SLC36A3: variants seen among roughly 807,000 people sequenced by gnomAD.
The protein encoded by SLC36A3 is proton-coupled amino acid transporter 3.
In SLC36A3, 35 loss-of-function variants were observed where a neutral mutation model predicts 44.3. The ratio of observed to expected loss-of-function variants is 0.79; its 90% CI spans 0.60 to 1.05. The LOEUF (loss-of-function observed/expected upper bound fraction) is 1.05, where lower values mean the gene tolerates loss of function less well. Ranked by LOEUF, SLC36A3 falls within the 50% of genes least tolerant of loss-of-function variation. SLC36A3 has a pLI of 0.00. For synonymous variants in SLC36A3, 211 were observed against 227.6 expected, an observed-to-expected ratio of 0.93 and a Z score of 0.66; for missense variants, 540 against 578.7, an observed-to-expected ratio of 0.93 and a Z score of 0.69.
chr5:151,295,433 C>T (rs1467917181), intron 3 of SLC36A3, among the ~76,000 whole-genome samples: 2 of 152,150 alleles, frequency 1.3e-5, no homozygotes, highest in African/African-American at 4.8e-5. Flanking sequence ...GGAAAGTGCT[C>T]TGAGAGTTAG....
intron 9 of SLC36A3, among the ~76,000 whole-genome samples, chr5:151,280,806 T>A (rs528997413): frequency 6.6e-6 from 1 of 152,350 alleles, no homozygotes; most frequent in Admixed American, 6.5e-5. Context: ...TTTCTATGTG[T>A]AGGCAGTAGA....
intron 9 of SLC36A3, among the ~76,000 whole-genome samples, chr5:151,280,152 G>A (rs1331130529): frequency 7.4e-6 from 1 of 135,608 alleles, no homozygotes; most frequent in East Asian, 1.9e-4. Context: ...AGAGAGAAGA[G>A]TACAGCCAAA....
chr5:151,279,465 A>G lies in SLC36A3; in HGVS notation c.1144+1549T>C, dbSNP rs549538732. On this transcript the variant is annotated intron_variant, in intron 9 of 9. Transcript: ENST00000335230. ...TCAACAAATGATTGTTGAATGAATAAAGGGTAAAGGGTAATAGAATTGATG... is the reference window on the plus strand; with the variant it reads ...TCAACAAATGATTGTTGAATGAATAGAGGGTAAAGGGTAATAGAATTGATG... Among the ~76,000 whole-genome samples, 11 of 152,344 alleles carry G rather than the reference A, an allele frequency of 7.2e-5. No homozygotes were observed. In the South Asian group the frequency reaches 2.3e-3, roughly 32 times the overall value.
chr5:151,300,241 GT>G (rs141986204), intron 1 of SLC36A3, among the ~76,000 whole-genome samples: 68 of 152,330 alleles, frequency 4.5e-4, no homozygotes, highest in Middle Eastern at 3.4e-3. Flanking sequence ...CCATTAGAGA[GT>G]CATGGCAAGG....
At chr5:151,295,854 G>T (rs1420166946) in intron 3 of SLC36A3, among the ~76,000 whole-genome samples, 3 of 152,198 alleles carry the variant, frequency 2.0e-5, no homozygotes. Flanking sequence ...AGGAAGAGAA[G>T]AAAGTCTCTG....
chr5:151,283,282 T>A (rs145426837), intron 8 of SLC36A3, among the ~76,000 whole-genome samples: 1 of 151,826 alleles, frequency 6.6e-6, no homozygotes, highest in African/African-American at 2.4e-5. Flanking sequence ...CCATTTCTCA[T>A]TGGGTGGTTG....
intron 3 of SLC36A3, among the ~76,000 whole-genome samples, chr5:151,295,619 T>G (rs1432168288): frequency 6.6e-6 from 1 of 152,266 alleles, no homozygotes; most frequent in African/African-American, 2.4e-5. Context: ...CTGCATTCTT[T>G]GTTTTTACTG....
In SLC36A3 at chr5:151,277,297, T is replaced by G; in HGVS notation, c.*96A>C. ...AAGATAAAGACGCCACTAATTAATA[T>G]AGAGATGTTGGGATTTGATGAAGGT... On this transcript the variant is annotated 3_prime_UTR_variant, in exon 10 of 10. Transcript: ENST00000335230. The G allele has an allele frequency of 6.8e-7, 1 of 1,466,362 alleles. No individual in the cohort carries two copies. Among genetic ancestry groups the G allele is most frequent in the Non-Finnish European group, 9.3e-7 (1 of 1,073,778 alleles). 90.8% of individuals were successfully genotyped at this position (1,466,362 alleles called of 1,614,324 possible).
chr5:151,282,492 T>G (rs1356289661), intron 8 of SLC36A3, among the ~76,000 whole-genome samples: 1 of 152,148 alleles, frequency 6.6e-6, no homozygotes, highest in Non-Finnish European at 1.5e-5. Context: ...GTCTTAAAGA[T>G]TGTTCCCTGC....
In SLC36A3 at chr5:151,296,173, C is replaced by T. The variant is rs761048046; in HGVS notation, c.308+7G>A. On this transcript the variant is annotated splice_region_variant and intron_variant, in intron 3 of 9. Coordinates refer to ENST00000335230, the MANE Select transcript of SLC36A3 (RefSeq NM_181774.4). The stretch of plus-strand genomic sequence containing the variant: ...GTGCTGGAATGAGAGAGAAGCAGGC[C>T]TCTGACCTCTGGCTGAGGTGTTGAG... The T allele has an allele frequency of 2.5e-6, 4 of 1,613,954 alleles. No individual in the cohort carries two copies. Among genetic ancestry groups the T allele is most frequent in the Non-Finnish European group, 3.4e-6 (4 of 1,179,878 alleles).
Position 151,277,081 on chromosome 5 carries a change from T to TG in SLC36A3, c.*311dup, listed in dbSNP as rs1297103932. ...GAGAAAACAGTTACTTTTGTATTTA[T>TG]GCTTGGTCTCTGTTTCAAGGGCTAT... On this transcript the variant is annotated 3_prime_UTR_variant, in exon 10 of 10. Coordinates refer to ENST00000335230, the MANE Select transcript of SLC36A3 (RefSeq NM_181774.4). 2.8e-6 allele frequency: 1 copy of TG among 363,212 alleles called. No individual in the cohort carries two copies. Among genetic ancestry groups the TG allele is most frequent in the Non-Finnish European group, 5.0e-6 (1 of 198,940 alleles). The allele number at this position is 363,212 out of a possible 1,614,324, so 22.5% of individuals were successfully genotyped here.
chr5:151,283,927 G>A lies in SLC36A3; in HGVS notation c.974+117C>T, dbSNP rs1251803289. On this transcript the variant is annotated intron_variant, in intron 8 of 9. Transcript: ENST00000335230. ...TGCAGTGTGAGCAGGAGAGACATAT[G>A]TCACTTCCAGTGATGGATTACCAGC... The A allele has an allele frequency of 6.2e-6, 8 of 1,296,978 alleles. No individual in the cohort carries two copies. The African/African-American group carries it at 7.5e-5, about 12-fold the overall frequency. The allele number at this position is 1,296,978 out of a possible 1,614,324, so 80.3% of individuals were successfully genotyped here. A position where few individuals can be genotyped will look rare whatever the true frequency, so the allele number is the denominator to read the frequency against.
chr5:151,299,891 C>T (rs977568083), intron 1 of SLC36A3, among the ~76,000 whole-genome samples: 3 of 152,130 alleles, frequency 2.0e-5, no homozygotes, highest in African/African-American at 2.4e-5. Flanking sequence ...GCATCATCAT[C>T]GTCATATCAT....
intron 3 of SLC36A3, 129 bp downstream of exon 3, chr5:151,296,051 A>G (rs1278773515): frequency 2.4e-6 from 2 of 834,162 alleles, no homozygotes; most frequent in African/African-American, 3.4e-5. Context: ...CCTTGCCTTC[A>G]TAGAATCCAG....
chr5:151,296,380 G>T, intron 2 of SLC36A3, 112 bp from the exon 3 acceptor site: 2 of 849,654 alleles, frequency 2.4e-6, no homozygotes, highest in Non-Finnish European at 3.9e-6. Flanking sequence ...TGTCTTTGGG[G>T]TGACAGACCC....
chr5:151,298,662 G>A lies in SLC36A3; in HGVS notation c.150C>T (p.His50=). 5.6e-6 allele frequency: 9 copies of A among 1,614,188 alleles called. No individual in the cohort carries two copies. Among genetic ancestry groups the A allele is most frequent in the Admixed American group, 3.3e-5 (2 of 60,020 alleles). Residue 50 remains histidine, a synonymous_variant, in exon 2 of 10, where the codon CAC becomes CAT. Transcript: ENST00000335230. Reference sequence around the variant, plus strand: ...CTGTGCCAATGTTGCATTTCAACAAGTGGATCAAAGTTTGCATCATCCTGT... The same window carrying A: ...CTGTGCCAATGTTGCATTTCAACAAATGGATCAAAGTTTGCATCATCCTGT... The part of the protein sequence containing the change: ...AGLSMMQTLI[H]LLKCNIGTGL...
chr5:151,285,887 C>A (rs1448625791), intron 6 of SLC36A3, among the ~76,000 whole-genome samples: 1 of 152,216 alleles, frequency 6.6e-6, no homozygotes, highest in Non-Finnish European at 1.5e-5. Context: ...AGAACAGATT[C>A]TCCCCTGGAA....
rs942971425 is a variant in SLC36A3 at position 151,276,721 on chromosome 5, G to A, written c.*672C>T. On this transcript the variant is annotated 3_prime_UTR_variant, in exon 10 of 10. Coordinates refer to ENST00000335230, the MANE Select transcript of SLC36A3 (RefSeq NM_181774.4). ...CCACATAGCAGGGTATGGAGTTTCA[G>A]TTACTCCACCTCCTCACCAACACTA... 1 of 152,390 alleles carries A rather than the reference G, an allele frequency of 6.6e-6. No individual in the cohort carries two copies. The highest frequency in any genetic ancestry group is 2.4e-5 in the African/African-American group (1 of 41,464). The allele number at this position is 152,390 out of a possible 1,614,324, so 9.4% of individuals were successfully genotyped here.
At chr5:151,298,364 A>C in intron 2 of SLC36A3, 1 of 487,382 alleles carries the variant, frequency 2.1e-6, no homozygotes, top group Middle Eastern at 5.4e-4. Context: ...ATTGTGGCAA[A>C]GTAGAGTCAG....
Sources: gnomAD v4.1 joint callset for allele counts (sites outside exome capture counted in the v4.1 genomes callset) on GRCh38, gnomAD v4.1.1 for gene constraint, MANE v1.5 for transcripts, NCBI Gene and HGNC (gene_info 2026-07-23, HGNC 2026-07-21) for gene names.